RHOBTB2: variants seen among roughly 807,000 people sequenced by gnomAD.
RHOBTB2 encodes the protein Rho related BTB domain containing 2.
Under a neutral mutation model 66.5 loss-of-function variants are expected in RHOBTB2, and 39 were observed. That is an observed-to-expected ratio of 0.59 (90% CI 0.45 to 0.77). RHOBTB2 has a LOEUF of 0.77. Among genes scored for constraint, RHOBTB2 ranks in the 30% least tolerant of loss-of-function variants. RHOBTB2 has a pLI of 0.00. For synonymous variants in RHOBTB2, 390 were observed against 395.0 expected, an observed-to-expected ratio of 0.99 and a Z score of 0.15; for missense variants, 755 against 999.1, an observed-to-expected ratio of 0.76 and a Z score of 3.29.
At chr8:23,011,214 A>G (rs932173750) in intron 7 of RHOBTB2, among the ~76,000 whole-genome samples, 16 of 152,204 alleles carry the variant, frequency 1.1e-4, no homozygotes, top group African/African-American at 3.9e-4. Flanking sequence ...AGTTTGCACC[A>G]CTGCACTCCA....
Position 23,017,102 on chromosome 8 carries a change from T to A in RHOBTB2, c.1967-150T>A, listed in dbSNP as rs2128808593. ...CTGCTCTTTGGGAACTTTGCTTGCC[T>A]CGGAGGCTCATGTGCCGTGGGTCAT... On this transcript the variant is annotated intron_variant, in intron 9 of 9. Transcript: ENST00000251822. This position sits in a 1 kb window ranked among gnomAD's most constrained non-coding sequence, Gnocchi z 5.3. 5 of 999,434 alleles carry A rather than the reference T, an allele frequency of 5.0e-6. No individual in the cohort carries two copies. The highest frequency in any genetic ancestry group is 7.4e-6 in the Non-Finnish European group (5 of 671,548). 61.9% of individuals were successfully genotyped at this position (999,434 alleles called of 1,614,324 possible). A position where few individuals can be genotyped will look rare whatever the true frequency, so the allele number is the denominator to read the frequency against.
At position 23,004,467 on chromosome 8, in the gene RHOBTB2, C is replaced by T. The variant is rs748095752; in HGVS notation, c.33C>T (p.Asn11=). 22 of 1,614,112 alleles carry T rather than the reference C, an allele frequency of 1.4e-5. No homozygotes were observed. Among genetic ancestry groups the T allele is most frequent in the South Asian group, 7.7e-5 (7 of 91,094 alleles). Residue 11 remains asparagine (N), a synonymous_variant, in exon 2 of 10, where the codon AAC becomes AAT. Transcript: ENST00000251822. The surrounding 1 kb of genome is among the most constrained non-coding windows in gnomAD (Gnocchi z 6.4). MDSDMDYERP[N]VETIKCVVVG... is the part of the protein sequence containing the mutation. ...CTGACATGGATTATGAAAGGCCAAA[C>T]GTAGAGACCATCAAGTGCGTTGTGG... is the stretch of plus-strand genomic sequence containing the variant.
the RHOBTB2 span, among the ~76,000 whole-genome samples, chr8:22,981,574 G>A: frequency 2.0e-5 from 3 of 152,324 alleles, no homozygotes; most frequent in African/African-American, 7.2e-5. Flanking sequence ...CCTCGAATTA[G>A]GGAATTCAGG....
chr8:23,010,586 T>C lies in RHOBTB2; in HGVS notation c.1669T>C (p.Tyr557His). The C allele has an allele frequency of 6.2e-7, 1 of 1,614,140 alleles. No homozygotes were observed. The highest frequency in any genetic ancestry group is 8.5e-7 in the Non-Finnish European group (1 of 1,180,020). The part of the protein sequence containing the change: ...SKSCMRAVLE[Y>H]LYTGMFTSSP... ...GAGCTGCATGCGGGCCGTGCTGGAA[T>C]ACCTCTACACCGGCATGTTCACCTC... Residue 557 changes from tyrosine (Y) to histidine (H), a missense_variant, in exon 7 of 10, where the codon TAC becomes CAC. This residue lies in a region of RHOBTB2 where 353 missense variants were observed against 458.2 expected (regional missense o/e 0.77). Coordinates refer to ENST00000251822, the MANE Select transcript of RHOBTB2 (RefSeq NM_015178.3).
the RHOBTB2 span, among the ~76,000 whole-genome samples, chr8:22,973,702 T>C: frequency 6.6e-6 from 1 of 152,176 alleles, no homozygotes; most frequent in African/African-American, 2.4e-5. Context: ...TCTTTCATTA[T>C]ATAATGAAAA....
At position 23,019,786 on chromosome 8, in the gene RHOBTB2, C is replaced by G. The variant is rs1811439512; in HGVS notation, c.*2317C>G. The G allele has an allele frequency of 6.2e-6, 1 of 162,344 alleles. No individual in the cohort carries two copies. Among genetic ancestry groups the G allele is most frequent in the Non-Finnish European group, 1.4e-5 (1 of 74,026 alleles). 10.1% of individuals were successfully genotyped at this position (162,344 alleles called of 1,614,324 possible). A position where few individuals can be genotyped will look rare whatever the true frequency, so the allele number is the denominator to read the frequency against. ...CCGGCCCCCCAACTTCAGGGACCCACCGCCCATTCCCCGAGAGCTGTCGGA... is the reference window on the plus strand; with the variant it reads ...CCGGCCCCCCAACTTCAGGGACCCAGCGCCCATTCCCCGAGAGCTGTCGGA... On this transcript the variant is annotated 3_prime_UTR_variant, in exon 10 of 10. Coordinates refer to ENST00000251822, the MANE Select transcript of RHOBTB2 (RefSeq NM_015178.3).
At chr8:22,951,963 C>T in the RHOBTB2 span, among the ~76,000 whole-genome samples, 1 of 152,158 alleles carries the variant, frequency 6.6e-6, no homozygotes, top group Non-Finnish European at 1.5e-5. Context: ...TCAAGAGATC[C>T]GCCTGCCTCG....
Position 22,999,954 on chromosome 8 carries a change from C to T in RHOBTB2, c.-162C>T. 1.0e-6 allele frequency: 1 copy of T among 985,460 alleles called. No individual in the cohort carries two copies. The highest frequency in any genetic ancestry group is 1.2e-6 in the Non-Finnish European group (1 of 829,960). The allele number at this position is 985,460 out of a possible 1,614,324, so 61.0% of individuals were successfully genotyped here. On this transcript the variant is annotated 5_prime_UTR_variant, in exon 1 of 10. Transcript: ENST00000251822. ...AGTTTCTGAGTGGCCGCGAGCTGGC[C>T]GGGAGGCTGGAGCCCAGCAGCAGCG...
chr8:22,951,192 TC>T, the RHOBTB2 span, among the ~76,000 whole-genome samples: 2 of 151,990 alleles, frequency 1.3e-5, no homozygotes, highest in African/African-American at 4.8e-5. Flanking sequence ...AATTTTTTTT[TC>T]CTTTCTTTTT....
chr8:22,953,186 G>T, the RHOBTB2 span, among the ~76,000 whole-genome samples: 1 of 152,138 alleles, frequency 6.6e-6, no homozygotes, highest in East Asian at 1.9e-4. Context: ...CTTACCAATT[G>T]AGTGTTCCTA....
Position 23,006,730 on chromosome 8 carries a change from C to T in RHOBTB2, c.485C>T (p.Pro162Leu). 1.2e-6 allele frequency: 2 copies of T among 1,608,364 alleles called. No homozygotes were observed. Among genetic ancestry groups the T allele is most frequent in the South Asian group, 2.2e-5 (2 of 90,690 alleles). Residue 162 changes from proline to leucine, a missense_variant and splice_region_variant, in exon 5 of 10, where the codon CCC (proline) becomes CTC (leucine). Physicochemically the swap from Pro to Leu is moderately conservative, Grantham distance 98. Coordinates refer to ENST00000251822, the MANE Select transcript of RHOBTB2 (RefSeq NM_015178.3). This position sits in a 1 kb window ranked among gnomAD's most constrained non-coding sequence, Gnocchi z 6.1. Reference sequence around the variant, plus strand: ...GGTTTCCTTCTTGAACCTACCAGGCCCATCAAACCTAATGAAATCCTGCCC... The same window carrying T: ...GGTTTCCTTCTTGAACCTACCAGGCTCATCAAACCTAATGAAATCCTGCCC... ...VNRARRPLAR[P>L]IKPNEILPPE... is the part of the protein sequence containing the mutation.
At chr8:22,979,485 T>TGC in the RHOBTB2 span, among the ~76,000 whole-genome samples, 1 of 152,154 alleles carries the variant, frequency 6.6e-6, no homozygotes, top group Non-Finnish European at 1.5e-5. Context: ...TGTGTGTGTG[T>TGC]GCACGCATGT....
chr8:22,995,402 T>C (rs1326126179), upstream of RHOBTB2, among the ~76,000 whole-genome samples: 2 of 152,188 alleles, frequency 1.3e-5, no homozygotes, highest in Non-Finnish European at 2.9e-5. Context: ...ATTGGTATTA[T>C]TAGGGGAGCA....
In RHOBTB2 at chr8:22,993,500, T is replaced by A. The variant is rs925919803; in HGVS notation, c.-23-1061T>A. On this transcript the variant is annotated intron_variant, in intron 2 of 11. Transcript: ENST00000519685. ...ACAAGTGGAGAAGGAGTTAGAAGGG[T>A]GTCAGTGCTGGAAGGGACAGGAAGA... is the stretch of plus-strand genomic sequence containing the variant. Among the ~76,000 whole-genome samples the A allele has an allele frequency of 4.6e-5, 7 of 151,962 alleles. No homozygotes were observed. The South Asian group carries it at 8.3e-4, about 18-fold the overall frequency.
rs1402534704 is a variant in RHOBTB2 at position 23,004,013 on chromosome 8, G to C, written c.-10-412G>C. On this transcript the variant is annotated intron_variant, in intron 1 of 9. Transcript: ENST00000251822. This position sits in a 1 kb window ranked among gnomAD's most constrained non-coding sequence, Gnocchi z 6.4. ...AAGGGGTGGGGACGTGGCCGACTCT[G>C]CTTCTCTCAGCTGTTTGTTGTTCTG... The C allele has an allele frequency of 7.1e-6, 2 of 281,036 alleles. No individual in the cohort carries two copies. The highest frequency in any genetic ancestry group is 4.4e-5 in the African/African-American group (2 of 45,422). The allele number at this position is 281,036 out of a possible 1,614,324, so 17.4% of individuals were successfully genotyped here.
chr8:22,986,316 C>T (rs555199543), upstream of RHOBTB2, among the ~76,000 whole-genome samples: 370 of 145,522 alleles, frequency 2.5e-3, no homozygotes, highest in African/African-American at 9.0e-3. Flanking sequence ...ACTCTTTTCG[C>T]CCAGGTGTGC....
intron 1 of RHOBTB2, among the ~76,000 whole-genome samples, chr8:23,002,900 T>C: frequency 6.6e-6 from 1 of 152,212 alleles, no homozygotes; most frequent in Non-Finnish European, 1.5e-5. Context: ...ATGCATCCAC[T>C]CGCACGGATC....
Position 23,017,391 on chromosome 8 carries a change from C to CA in RHOBTB2, c.2106_2107insA (p.Phe703IlefsTer156). On this transcript the variant is annotated frameshift_variant, in exon 10 of 10. Coordinates refer to ENST00000251822, the MANE Select transcript of RHOBTB2 (RefSeq NM_015178.3). LOFTEE classifies it high-confidence loss of function. The surrounding 1 kb of genome is among the most constrained non-coding windows in gnomAD (Gnocchi z 5.3). ...AGCGGCAGCCCAAACGGCGTTGGCT[C>CA]TTCTGGAACAGTCCATCCTCCCCGT... The CA allele has an allele frequency of 6.2e-7, 1 of 1,614,112 alleles. No individual in the cohort carries two copies. Among genetic ancestry groups the CA allele is most frequent in the Non-Finnish European group, 8.5e-7 (1 of 1,179,990 alleles).
chr8:23,019,758 G>A lies in RHOBTB2; in HGVS notation c.*2289G>A. 1 of 161,394 alleles carries A rather than the reference G, an allele frequency of 6.2e-6. No individual in the cohort carries two copies. Among genetic ancestry groups the A allele is most frequent in the East Asian group, 1.8e-4 (1 of 5,534 alleles). The allele number at this position is 161,394 out of a possible 1,614,324, so 10.0% of individuals were successfully genotyped here. The stretch of plus-strand genomic sequence containing the variant: ...TGACCACGGGATTCCCTGAGAAACA[G>A]GGCCGGCCCCCCAACTTCAGGGACC... On this transcript the variant is annotated 3_prime_UTR_variant, in exon 10 of 10. Transcript: ENST00000251822.
Sources: gnomAD v4.1 joint callset for allele counts (sites outside exome capture counted in the v4.1 genomes callset) on GRCh38, gnomAD v4.1.1 for gene constraint, gnomAD v4.1.1 regional missense constraint, Gnocchi (gnomAD v3.1) non-coding constraint, MANE v1.5 for transcripts, NCBI Gene and HGNC (gene_info 2026-07-23, HGNC 2026-07-21) for gene names.